Variants in STK10 observed in about 807,000 individuals in gnomAD.
The protein encoded by STK10 is serine/threonine-protein kinase 10.
A neutral mutation model predicts 113.8 loss-of-function variants in STK10; 78 were observed. That is an observed-to-expected ratio of 0.69 (90% confidence interval 0.57 to 0.83). The LOEUF is 0.83. Ranked by LOEUF, STK10 falls within the 40% of genes least tolerant of loss-of-function variation. The pLI is 0.00. For synonymous variants in STK10, 465 were observed against 494.7 expected, an observed-to-expected ratio of 0.94 and a Z score of 0.80; for missense variants, 1,109 against 1,280.1, an observed-to-expected ratio of 0.87 and a Z score of 2.04.
chr5:172,056,308 C>T (rs1227727038), intron 15 of STK10, among the ~76,000 whole-genome samples: 1 of 152,168 alleles, frequency 6.6e-6, no homozygotes, highest in African/African-American at 2.4e-5. Flanking sequence ...TTATACACAG[C>T]TGCTGTGCAT....
intron 1 of STK10, among the ~76,000 whole-genome samples, chr5:172,167,187 C>T (rs1008725304): frequency 6.7e-6 from 1 of 149,688 alleles, no homozygotes; most frequent in Non-Finnish European, 1.5e-5. Flanking sequence ...AAAAGAAAGG[C>T]AACAAAAGAA....
intron 7 of STK10, among the ~76,000 whole-genome samples, chr5:172,103,041 G>A (rs565296847): frequency 3.3e-5 from 5 of 152,346 alleles, no homozygotes; most frequent in East Asian, 3.9e-4. Context: ...CAATGGGGGC[G>A]TGAATCACTC....
intron 2 of STK10, among the ~76,000 whole-genome samples, chr5:172,136,092 T>G (rs1236248730): frequency 6.6e-6 from 1 of 151,546 alleles, no homozygotes; most frequent in Non-Finnish European, 1.5e-5. Context: ...AACCTCAAAT[T>G]ACTACAATCA....
intron 1 of STK10, among the ~76,000 whole-genome samples, chr5:172,165,326 G>A (rs894103868): frequency 3.3e-5 from 5 of 152,194 alleles, no homozygotes; most frequent in Non-Finnish European, 7.4e-5. Flanking sequence ...AGTCCACCAA[G>A]GCGAATGCAG....
chr5:172,151,964 T>C (rs1346209218), intron 2 of STK10, among the ~76,000 whole-genome samples: 1 of 152,240 alleles, frequency 6.6e-6, no homozygotes, highest in East Asian at 1.9e-4. Flanking sequence ...ACCTGGCACT[T>C]TCTGCCCCCA....
intron 2 of STK10, among the ~76,000 whole-genome samples, chr5:172,148,031 TC>T (rs1397626367): frequency 1.3e-5 from 2 of 152,200 alleles, no homozygotes; most frequent in Non-Finnish European, 2.9e-5. Context: ...AACACGCCTG[TC>T]CTGCTAGTTA....
At chr5:172,083,138 C>A in intron 10 of STK10, 54 bp from the exon 11 acceptor site, 1 of 1,607,694 alleles carries the variant, frequency 6.2e-7, no homozygotes, top group South Asian at 1.1e-5. Context: ...CTTCAGAGAT[C>A]ACAATATTTG....
At chr5:172,074,794 G>T (rs987594774) in intron 12 of STK10, among the ~76,000 whole-genome samples, 1 of 151,868 alleles carries the variant, frequency 6.6e-6, no homozygotes, top group Admixed American at 6.6e-5. Context: ...CGAAGCAGGC[G>T]GATCACTTGA....
intron 2 of STK10, among the ~76,000 whole-genome samples, chr5:172,143,584 G>C (rs1371251114): frequency 6.6e-6 from 1 of 152,188 alleles, no homozygotes. Context: ...ACAGCCAGGA[G>C]ATGTGGACAT....
intron 7 of STK10, among the ~76,000 whole-genome samples, chr5:172,104,895 G>A (rs3103594): frequency 0.1 from 15,193 of 152,142 alleles, 866 homozygotes; most frequent in East Asian, 0.13. Context: ...AGGGGCTTCC[G>A]TGGTGGACAG....
At chr5:172,131,567 C>T (rs1227886248) in intron 2 of STK10, among the ~76,000 whole-genome samples, 1 of 152,034 alleles carries the variant, frequency 6.6e-6, no homozygotes, top group Non-Finnish European at 1.5e-5. Flanking sequence ...ATTTTTTTGC[C>T]TTGGCTGCTG....
In STK10 at chr5:172,082,540, A is replaced by C; in HGVS notation, c.1810-35T>G. On this transcript the variant is annotated intron_variant, in intron 11 of 18. Coordinates refer to ENST00000176763, the MANE Select transcript of STK10 (RefSeq NM_005990.4). The surrounding 1 kb of genome is among the most constrained non-coding windows in gnomAD (Gnocchi z 4.3). ...GCAGAAATTCTGAGAAACTTAGCGAAGTCACTTTATACCTGGGAGGGACAT... is the reference window on the plus strand; with the variant it reads ...GCAGAAATTCTGAGAAACTTAGCGACGTCACTTTATACCTGGGAGGGACAT... 1 of 1,547,054 alleles carries C rather than the reference A, an allele frequency of 6.5e-7. No homozygotes were observed. The highest frequency in any genetic ancestry group is 2.3e-5 in the East Asian group (1 of 43,052).
Position 172,127,419 on chromosome 5 carries a change from G to C in STK10, c.324C>G (p.Ile108Met). 6.2e-7 allele frequency: 1 copy of C among 1,613,690 alleles called. No individual in the cohort carries two copies. The highest frequency in any genetic ancestry group is 8.5e-7 in the Non-Finnish European group (1 of 1,179,774). The change falls in exon 3 of 19, where the codon ATC becomes ATG. Residue 108 changes from isoleucine (I) to methionine (M), a missense_variant and splice_region_variant. Physicochemically the swap from Ile to Met is conservative, Grantham distance 10. Transcript: ENST00000176763. Reference protein sequence around the residue: ...GAYYHDGKLWIMIEFCPGGAV... With the variant: ...GAYYHDGKLWMMIEFCPGGAV... Reference sequence around the variant, plus strand: ...CTCCCCCTGGACAGAACTCAATCATGATCTGCAGAAAACACAGGGCAAAGT... The same window carrying C: ...CTCCCCCTGGACAGAACTCAATCATCATCTGCAGAAAACACAGGGCAAAGT...
intron 1 of STK10, among the ~76,000 whole-genome samples, chr5:172,178,511 G>T (rs769915864): frequency 2.6e-5 from 4 of 152,142 alleles, no homozygotes; most frequent in Non-Finnish European, 4.4e-5. Flanking sequence ...AGGGGAGGCC[G>T]CCTTCTTATC....
intron 5 of STK10, among the ~76,000 whole-genome samples, chr5:172,107,463 G>A (rs1399541355): frequency 6.6e-6 from 1 of 152,150 alleles, no homozygotes; most frequent in Non-Finnish European, 1.5e-5. Flanking sequence ...ATACATACGT[G>A]GCGAATAAAT....
chr5:172,092,275 G>C (rs1768729855), intron 9 of STK10, among the ~76,000 whole-genome samples: 1 of 152,180 alleles, frequency 6.6e-6, no homozygotes, highest in Non-Finnish European at 1.5e-5. Context: ...GTCACGCCAG[G>C]GGGTGCCGGC....
At chr5:172,076,821 C>T (rs946390648) in intron 12 of STK10, among the ~76,000 whole-genome samples, 7 of 152,170 alleles carry the variant, frequency 4.6e-5, no homozygotes, top group African/African-American at 1.7e-4. Context: ...TCTCAGGCAT[C>T]ATACAATTTA....
chr5:172,136,664 T>C (rs371168292), intron 2 of STK10, among the ~76,000 whole-genome samples: 76 of 152,200 alleles, frequency 5.0e-4, no homozygotes, highest in African/African-American at 1.7e-3. Context: ...AGGCAGAGCA[T>C]GGCATTCCAA....
intron 3 of STK10, among the ~76,000 whole-genome samples, chr5:172,118,696 T>C (rs889253534): frequency 4.6e-5 from 7 of 151,588 alleles, no homozygotes; most frequent in Admixed American, 4.6e-4. Context: ...CTGGCCAACA[T>C]GATGAAACCT....
Sources: allele counts gnomAD v4.1 joint callset (sites outside exome capture counted in the v4.1 genomes callset), GRCh38; gene constraint gnomAD v4.1.1; non-coding constraint Gnocchi (gnomAD v3.1); transcripts MANE v1.5; gene names NCBI Gene and HGNC (gene_info 2026-07-23, HGNC 2026-07-21).